The following ZNF407 variants were observed in gnomAD, a reference collection of about 807,000 sequenced individuals.
The protein encoded by ZNF407 is zinc finger protein 407.
ZNF407 carries 17 observed loss-of-function variants against 131.2 expected under a neutral mutation model. That is an observed-to-expected ratio of 0.13 (90% CI 0.09 to 0.19). The LOEUF (loss-of-function observed/expected upper bound fraction) is 0.19, where lower values mean the gene tolerates loss of function less well. Among genes scored for constraint, ZNF407 ranks in the 10% least tolerant of loss-of-function variants. The probability of loss-of-function intolerance (pLI) is 1.00; values close to 1 mark genes in which losing one functional copy is unlikely to be tolerated. For missense variants in ZNF407, 2,681 were observed against 2,830.6 expected, an observed-to-expected ratio of 0.95 and a Z score of 1.20; for synonymous variants, 1,156 against 1,062.0, an observed-to-expected ratio of 1.09 and a Z score of -1.72.
At position 74,774,040 on chromosome 18, in the gene ZNF407, A is replaced by G. The variant is rs898064137; in HGVS notation, c.4803-7388A>G. Among the ~76,000 whole-genome samples the G allele has an allele frequency of 2.0e-5, 3 of 152,364 alleles. No homozygotes were observed. In the East Asian group the frequency reaches 5.8e-4, roughly 29 times the overall value. On this transcript the variant is annotated intron_variant, in intron 3 of 8. Coordinates refer to ENST00000299687, the MANE Select transcript of ZNF407 (RefSeq NM_017757.3). Reference sequence around the variant, plus strand: ...ACCCAACAGTAAGAGAAGTGATGTCAAATAAACATAGTAGCCAACTTTGAA... The same window carrying G: ...ACCCAACAGTAAGAGAAGTGATGTCGAATAAACATAGTAGCCAACTTTGAA...
chr18:74,907,007 G>T (rs1457382993), intron 7 of ZNF407, among the ~76,000 whole-genome samples: 5 of 152,134 alleles, frequency 3.3e-5, no homozygotes, highest in African/African-American at 1.2e-4. Context: ...TAAATCTTAT[G>T]TATACATATA....
intron 8 of ZNF407, among the ~76,000 whole-genome samples, chr18:75,006,405 G>C (rs1007669368): frequency 1.1e-4 from 16 of 152,060 alleles, no homozygotes; most frequent in Non-Finnish European, 1.8e-4. Context: ...ATTAACACTA[G>C]AGGTCCTAAA....
chr18:74,761,017 C>G (rs1969083181), intron 3 of ZNF407, among the ~76,000 whole-genome samples: 1 of 152,058 alleles, frequency 6.6e-6, no homozygotes, highest in Non-Finnish European at 1.5e-5. Flanking sequence ...CTGGCTGTCC[C>G]TCCTCTCATG....
rs1449370185 is a variant in ZNF407 at position 74,703,597 on chromosome 18, C to G, written c.4802+62475C>G. On this transcript the variant is annotated intron_variant, in intron 3 of 8. Transcript: ENST00000299687. The surrounding 1 kb of genome is among the most constrained non-coding windows in gnomAD (Gnocchi z 4.1). ...ATCAGGCTGGTCTCGAACTCCTGAC[C>G]TCAGGTGATCTGCCCTCCTCGGCCT... Among the ~76,000 whole-genome samples the G allele has an allele frequency of 6.6e-6, 1 of 152,138 alleles. No homozygotes were observed. Among genetic ancestry groups the G allele is most frequent in the Non-Finnish European group, 1.5e-5 (1 of 68,024 alleles).
intron 4 of ZNF407, among the ~76,000 whole-genome samples, chr18:74,872,627 C>T (rs1000520483): frequency 1.3e-5 from 2 of 151,658 alleles, no homozygotes; most frequent in Non-Finnish European, 2.9e-5. Flanking sequence ...CGTGGTGGTA[C>T]GTGCTTCTAG....
intron 8 of ZNF407, among the ~76,000 whole-genome samples, chr18:74,950,120 G>A (rs1440850513): frequency 1.3e-5 from 2 of 152,114 alleles, no homozygotes; most frequent in Non-Finnish European, 2.9e-5. Context: ...GCAGGCAGGA[G>A]GACAGTGCTC....
rs1599136986 is a variant in ZNF407, at chr18:74,622,916, G to A, written c.-53-8051G>A. On this transcript the variant is annotated intron_variant, in intron 1 of 8. Transcript: ENST00000299687. ...TGCGTGTCTGTTTTAGTGTGTGAAT[G>A]TCAGTATCTGTGAATGTGTGTGTAT... Among the ~76,000 whole-genome samples, 4 of 152,086 alleles carry A rather than the reference G, an allele frequency of 2.6e-5. No individual in the cohort carries two copies. The East Asian group carries it at 7.7e-4, about 29-fold the overall frequency.
chr18:74,903,070 T>TA (rs1352681589), intron 7 of ZNF407, among the ~76,000 whole-genome samples: 2 of 152,180 alleles, frequency 1.3e-5, no homozygotes, highest in African/African-American at 4.8e-5. Context: ...TGTGGTGACT[T>TA]ATGTGACCAG....
At chr18:74,609,123 G>A (rs79125053) in intron 1 of ZNF407, among the ~76,000 whole-genome samples, 1,637 of 152,316 alleles carry the variant, frequency 0.011, 11 homozygotes, top group Non-Finnish European at 0.019. Context: ...TAAGCTGTTG[G>A]AAGTACATGC....
intron 3 of ZNF407, among the ~76,000 whole-genome samples, chr18:74,674,358 A>G (rs1353099774): frequency 1.3e-5 from 2 of 152,222 alleles, no homozygotes; most frequent in East Asian, 3.9e-4. Flanking sequence ...TTTGCAGATC[A>G]GGTCCCTACC....
chr18:74,982,202 A>G lies in ZNF407; in HGVS notation c.5428+61510A>G, dbSNP rs989813929. Among the ~76,000 whole-genome samples, 8 of 152,118 alleles carry G rather than the reference A, an allele frequency of 5.3e-5. No individual in the cohort carries two copies. In the South Asian group the frequency reaches 1.4e-3, roughly 28 times the overall value. ...CTTCTTTTGCGAACTTTTCAACATC[A>G]TGTGTCTTTAAAGGTTTGGAAATTG... is the stretch of plus-strand genomic sequence containing the variant. On this transcript the variant is annotated intron_variant, in intron 8 of 8. Coordinates refer to ENST00000299687, the MANE Select transcript of ZNF407 (RefSeq NM_017757.3).
At chr18:74,989,373 T>A (rs1972691383) in intron 8 of ZNF407, among the ~76,000 whole-genome samples, 1 of 152,176 alleles carries the variant, frequency 6.6e-6, no homozygotes, top group Non-Finnish European at 1.5e-5. Flanking sequence ...TGTGGTGGTG[T>A]AACCACAGGG....
chr18:74,824,382 T>C (rs938775719), intron 4 of ZNF407, among the ~76,000 whole-genome samples: 1 of 151,394 alleles, frequency 6.6e-6, no homozygotes. Context: ...TTGAAGGAGA[T>C]AGAGACAGGA....
At chr18:74,943,231 T>A (rs1237432061) in intron 8 of ZNF407, among the ~76,000 whole-genome samples, 1 of 152,254 alleles carries the variant, frequency 6.6e-6, no homozygotes, top group Non-Finnish European at 1.5e-5. Flanking sequence ...ATCCATTTTT[T>A]AAATTTACAG....
At chr18:74,918,565 G>C (rs765442719) in intron 7 of ZNF407, among the ~76,000 whole-genome samples, 1 of 152,158 alleles carries the variant, frequency 6.6e-6, no homozygotes, top group Non-Finnish European at 1.5e-5. Flanking sequence ...TGACTCATGA[G>C]AGAAAGAAGC....
intron 7 of ZNF407, among the ~76,000 whole-genome samples, chr18:74,917,539 T>C (rs1186337597): frequency 6.6e-6 from 1 of 152,134 alleles, no homozygotes; most frequent in Non-Finnish European, 1.5e-5. Context: ...TCCCCTCCCT[T>C]TGTCCCCATA....
At chr18:74,761,209 A>T (rs1969087662) in intron 3 of ZNF407, among the ~76,000 whole-genome samples, 1 of 152,140 alleles carries the variant, frequency 6.6e-6, no homozygotes, top group Non-Finnish European at 1.5e-5. Flanking sequence ...AGGTTTTATT[A>T]TACATTCACT....
chr18:74,981,168 G>A lies in ZNF407; in HGVS notation c.5428+60476G>A, dbSNP rs147090590. ...TAACAGTGTCCAGCTGCAGGACAGT[G>A]TCTTGATACTCAACGCCCAAGGGCA... On this transcript the variant is annotated intron_variant, in intron 8 of 8. Transcript: ENST00000299687. Among the ~76,000 whole-genome samples, 683 of 152,358 alleles carry A rather than the reference G, an allele frequency of 4.5e-3. 8 individuals carry two copies. The highest frequency in any genetic ancestry group is 0.016 in the African/African-American group (658 of 41,592).
chr18:74,644,388 T>A (rs529826566), intron 3 of ZNF407, among the ~76,000 whole-genome samples: 1 of 151,992 alleles, frequency 6.6e-6, no homozygotes, highest in Admixed American at 6.5e-5. Flanking sequence ...TTATAGTTAA[T>A]GCTTTTATTT....
Sources: allele counts gnomAD v4.1 joint callset (sites outside exome capture counted in the v4.1 genomes callset), GRCh38; gene constraint gnomAD v4.1.1; non-coding constraint Gnocchi (gnomAD v3.1); transcripts MANE v1.5; gene names NCBI Gene and HGNC (gene_info 2026-07-23, HGNC 2026-07-21).